VASN: variants seen among roughly 807,000 people sequenced by gnomAD.
The protein encoded by VASN is vasorin.
Under a neutral mutation model 4.8 loss-of-function variants are expected in VASN, and 5 were observed. The ratio of observed to expected loss-of-function variants is 1.03; its 90% CI spans 0.54 to 2.17. The LOEUF (loss-of-function observed/expected upper bound fraction) is 2.17. Ranked by LOEUF, VASN falls within the 30% of genes most tolerant of loss-of-function variation. The pLI, the probability that VASN is intolerant of heterozygous loss-of-function variation, is 0.01. For missense variants in VASN, 927 were observed against 948.8 expected, an observed-to-expected ratio of 0.98 and a Z score of 0.30; for synonymous variants, 499 against 460.8, an observed-to-expected ratio of 1.08 and a Z score of -1.06.
At position 4,381,203 on chromosome 16, in the gene VASN, C is replaced by T; in HGVS notation, c.326C>T (p.Ala109Val). Residue 109 changes from alanine (A) to valine (V), a missense_variant, in exon 2 of 2, where the codon GCC becomes GTC. Physicochemically the swap from Ala to Val is moderately conservative, Grantham distance 64. Coordinates refer to ENST00000304735, the MANE Select transcript of VASN (RefSeq NM_138440.3). ...AACCTCAGCAACCTGGACCTGACAG[C>T]CAACAGGCTGCATGAAATCACCAAT... ...LANLSNLDLT[A>V]NRLHEITNET... 1 of 1,612,000 alleles carries T rather than the reference C, an allele frequency of 6.2e-7. No individual in the cohort carries two copies. Among genetic ancestry groups the T allele is most frequent in the African/African-American group, 1.3e-5 (1 of 75,052 alleles).
At position 4,383,286 on chromosome 16, in the gene VASN, G is replaced by C; in HGVS notation, c.*387G>C. ...CTCCCGGAAAGAGCAGAGGGAGAGCGGGTAGGCGGCTGTGTGACTCTAGTC... is the reference window on the plus strand; with the variant it reads ...CTCCCGGAAAGAGCAGAGGGAGAGCCGGTAGGCGGCTGTGTGACTCTAGTC... On this transcript the variant is annotated 3_prime_UTR_variant, in exon 2 of 2. Coordinates refer to ENST00000304735, the MANE Select transcript of VASN (RefSeq NM_138440.3). 4.2e-6 allele frequency: 1 copy of C among 236,304 alleles called. No homozygotes were observed. The highest frequency in any genetic ancestry group is 8.8e-6 in the Non-Finnish European group (1 of 114,204). 14.6% of individuals were successfully genotyped at this position (236,304 alleles called of 1,614,324 possible). A position where few individuals can be genotyped will look rare whatever the true frequency, so the allele number is the denominator to read the frequency against.
rs374640275 is a variant in VASN at position 4,382,675 on chromosome 16, C to T, written c.1798C>T (p.Arg600Trp). 8 of 1,546,384 alleles carry T rather than the reference C, an allele frequency of 5.2e-6. No individual in the cohort carries two copies. Among genetic ancestry groups the T allele is most frequent in the Non-Finnish European group, 7.0e-6 (8 of 1,147,434 alleles). Reference protein sequence around the residue: ...LAAVGAAYCVRRGRAMAAAAQ... With the variant: ...LAAVGAAYCVWRGRAMAAAAQ... ...TGCGGTGGGGGCAGCCTACTGTGTG[C>T]GGCGGGGGCGGGCCATGGCAGCAGC... is the stretch of plus-strand genomic sequence containing the variant. Residue 600 changes from arginine (R) to tryptophan (W), a missense_variant, in exon 2 of 2, where the codon CGG becomes TGG. Physicochemically the swap from Arg to Trp is moderately radical, Grantham distance 101. Transcript: ENST00000304735.
chr16:4,382,761 GGTCCCCTTGGA>G lies in VASN; in HGVS notation c.1886_1896del (p.Val629AlafsTer18). ...GGCCCCTGGAACTGGAGGGAGTGAA[GGTCCCCTTGGA>G]GCCAGGCCCGAAGGCAACAGAGGGC... is the stretch of plus-strand genomic sequence containing the variant. On this transcript the variant is annotated frameshift_variant, in exon 2 of 2. Coordinates refer to ENST00000304735, the MANE Select transcript of VASN (RefSeq NM_138440.3). LOFTEE classifies it high-confidence loss of function. 1 of 1,563,628 alleles carries G rather than the reference GGTCCCCTTGGA, an allele frequency of 6.4e-7. No homozygotes were observed. The highest frequency in any genetic ancestry group is 8.7e-7 in the Non-Finnish European group (1 of 1,154,834).
chr16:4,382,752 G>T lies in VASN; in HGVS notation c.1875G>T (p.Glu625Asp). Residue 625 changes from glutamate (E) to aspartate (D), a missense_variant, in exon 2 of 2, where the codon GAG (glutamate) becomes GAT (aspartate). Transcript: ENST00000304735. ...VGPGAGPLEL[E>D]GVKVPLEPGP... ...CAGGGGCTGGGCCCCTGGAACTGGA[G>T]GGAGTGAAGGTCCCCTTGGAGCCAG... The T allele has an allele frequency of 6.4e-7, 1 of 1,559,724 alleles. No individual in the cohort carries two copies. The highest frequency in any genetic ancestry group is 1.2e-5 in the South Asian group (1 of 85,128).
Position 4,381,469 on chromosome 16 carries a change from C to T in VASN, c.592C>T (p.Arg198Trp), listed in dbSNP as rs747785086. The change falls in exon 2 of 2, where the codon CGG (arginine) becomes TGG (tryptophan). Residue 198 changes from arginine to tryptophan, a missense_variant. Arg to Trp is a moderately radical substitution (Grantham distance 101). Coordinates refer to ENST00000304735, the MANE Select transcript of VASN (RefSeq NM_138440.3). ...GGACACTGCCAACGTGGAGGCGCTG[C>T]GGCTGGCTGGTCTGGGGCTGCAGCA... Reference protein sequence around the residue: ...ILDTANVEALRLAGLGLQQLD... With the variant: ...ILDTANVEALWLAGLGLQQLD... 1.6e-5 allele frequency: 26 copies of T among 1,581,228 alleles called. No homozygotes were observed. In the East Asian group the frequency reaches 1.9e-4, roughly 11 times the overall value.
At position 4,382,502 on chromosome 16, in the gene VASN, G is replaced by A. The variant is rs1396632981; in HGVS notation, c.1625G>A (p.Arg542Gln). ...SVCVMPLGPGRVPEGEEACGE... is the reference protein window; with the variant it reads ...SVCVMPLGPGQVPEGEEACGE... ...TGTGTCATGCCTTTGGGGCCCGGGCGGGTGCCGGAGGGCGAGGAGGCCTGC... is the reference window on the plus strand; with the variant it reads ...TGTGTCATGCCTTTGGGGCCCGGGCAGGTGCCGGAGGGCGAGGAGGCCTGC... The change falls in exon 2 of 2, where the codon CGG (arginine) becomes CAG (glutamine). Residue 542 changes from arginine to glutamine, a missense_variant. Arg to Gln is a conservative substitution (Grantham distance 43). Coordinates refer to ENST00000304735, the MANE Select transcript of VASN (RefSeq NM_138440.3). The A allele has an allele frequency of 1.0e-5, 16 of 1,591,986 alleles. No individual in the cohort carries two copies. The highest frequency in any genetic ancestry group is 4.5e-5 in the East Asian group (2 of 43,964).
At chr16:4,378,282 G>T (rs1283489294) in intron 1 of VASN, among the ~76,000 whole-genome samples, 1 of 152,186 alleles carries the variant, frequency 6.6e-6, no homozygotes, top group Non-Finnish European at 1.5e-5. Flanking sequence ...CCTGCCTGGA[G>T]TGAGCGCTCT....
rs1177977243 is a variant in VASN at position 4,382,250 on chromosome 16, C to T, written c.1373C>T (p.Pro458Leu). 5.6e-6 allele frequency: 9 copies of T among 1,607,776 alleles called. No individual in the cohort carries two copies. The highest frequency in any genetic ancestry group is 2.2e-5 in the South Asian group (2 of 90,400). ...CGGCCCAGCCCTACACCAGTCACGC[C>T]GAGGCCACCACGGTCCCTGACCCTG... is the stretch of plus-strand genomic sequence containing the variant. ...GTRPSPTPVT[P>L]RPPRSLTLGI... is the part of the protein sequence containing the mutation. Residue 458 changes from proline to leucine, a missense_variant, in exon 2 of 2, where the codon CCG (proline) becomes CTG (leucine). Coordinates refer to ENST00000304735, the MANE Select transcript of VASN (RefSeq NM_138440.3).
In VASN at chr16:4,382,389, T is replaced by C. The variant is rs1454248291; in HGVS notation, c.1512T>C (p.Pro504=). 2.5e-6 allele frequency: 4 copies of C among 1,612,016 alleles called. No homozygotes were observed. In the East Asian group the frequency reaches 6.7e-5, roughly 27 times the overall value. ...LRLTYRNLSG[P]DKRLVTLRLP... is the part of the protein sequence containing the mutation. ...TCACCTATCGCAACCTATCGGGCCC[T>C]GATAAGCGGCTGGTGACGCTGCGAC... is the stretch of plus-strand genomic sequence containing the variant. Residue 504 remains proline, a synonymous_variant, in exon 2 of 2, where the codon CCT becomes CCC. Coordinates refer to ENST00000304735, the MANE Select transcript of VASN (RefSeq NM_138440.3).
rs372370728 is a variant in VASN, at chr16:4,381,464, C to T, written c.587C>T (p.Ala196Val). 325 of 1,580,420 alleles carry T rather than the reference C, an allele frequency of 2.1e-4. 3 individuals are homozygous for T. The South Asian group carries it at 3.2e-3, about 16-fold the overall frequency. The change falls in exon 2 of 2, where the codon GCG (alanine) becomes GTG (valine). Residue 196 changes from alanine (A) to valine (V), a missense_variant. By Grantham distance (64) the Ala-to-Val change is moderately conservative. Coordinates refer to ENST00000304735, the MANE Select transcript of VASN (RefSeq NM_138440.3). ...ATCCTGGACACTGCCAACGTGGAGG[C>T]GCTGCGGCTGGCTGGTCTGGGGCTG... Reference protein sequence around the residue: ...PGILDTANVEALRLAGLGLQQ... With the variant: ...PGILDTANVEVLRLAGLGLQQ...
In VASN at chr16:4,383,286, G is replaced by T; in HGVS notation, c.*387G>T. On this transcript the variant is annotated 3_prime_UTR_variant, in exon 2 of 2. Coordinates refer to ENST00000304735, the MANE Select transcript of VASN (RefSeq NM_138440.3). Reference sequence around the variant, plus strand: ...CTCCCGGAAAGAGCAGAGGGAGAGCGGGTAGGCGGCTGTGTGACTCTAGTC... The same window carrying T: ...CTCCCGGAAAGAGCAGAGGGAGAGCTGGTAGGCGGCTGTGTGACTCTAGTC... The T allele has an allele frequency of 4.2e-6, 1 of 236,304 alleles. No homozygotes were observed. Among genetic ancestry groups the T allele is most frequent in the Non-Finnish European group, 8.8e-6 (1 of 114,204 alleles). 14.6% of individuals were successfully genotyped at this position (236,304 alleles called of 1,614,324 possible).
Position 4,381,402 on chromosome 16 carries a change from C to T in VASN, c.525C>T (p.Asp175=). ...PLRLPRLLLL[D]LSHNSLLALE... The stretch of plus-strand genomic sequence containing the variant: ...GCCTGCCCCGCCTGCTGCTGCTGGA[C>T]CTCAGCCACAACAGCCTCCTGGCCC... Residue 175 remains aspartate (D), a synonymous_variant, in exon 2 of 2, where the codon GAC becomes GAT. Coordinates refer to ENST00000304735, the MANE Select transcript of VASN (RefSeq NM_138440.3). 2 of 1,587,470 alleles carry T rather than the reference C, an allele frequency of 1.3e-6. No individual in the cohort carries two copies. The highest frequency in any genetic ancestry group is 1.1e-5 in the South Asian group (1 of 88,168).
At position 4,380,966 on chromosome 16, in the gene VASN, G is replaced by A; in HGVS notation, c.89G>A (p.Cys30Tyr). ...GVQGCPSGCQCSQPQTVFCTA... is the reference protein window; with the variant it reads ...GVQGCPSGCQYSQPQTVFCTA... ...CAGGGCTGCCCATCCGGCTGCCAGT[G>A]CAGCCAGCCACAGACAGTCTTCTGC... The change falls in exon 2 of 2, where the codon TGC (cysteine) becomes TAC (tyrosine). Residue 30 changes from cysteine (C) to tyrosine (Y), a missense_variant. Coordinates refer to ENST00000304735, the MANE Select transcript of VASN (RefSeq NM_138440.3). 4.4e-6 allele frequency: 7 copies of A among 1,604,076 alleles called. No individual in the cohort carries two copies. Among genetic ancestry groups the A allele is most frequent in the Non-Finnish European group, 5.9e-6 (7 of 1,177,780 alleles).
chr16:4,375,993 G>A (rs916543887), intron 1 of VASN, among the ~76,000 whole-genome samples: 4 of 152,220 alleles, frequency 2.6e-5, no homozygotes, highest in African/African-American at 7.2e-5. Flanking sequence ...GGCATTATCT[G>A]TGGAATGAAG....
rs1459193694 is a variant in VASN at position 4,381,078 on chromosome 16, C to G, written c.201C>G (p.Leu67=). The change falls in exon 2 of 2, where the codon CTC becomes CTG. Residue 67 remains leucine (L), a synonymous_variant. Coordinates refer to ENST00000304735, the MANE Select transcript of VASN (RefSeq NM_138440.3). ...TCTTTGAGAACGGCATCACCATGCT[C>G]GACGCAGGCAGCTTTGCCGGCCTGC... ...LYVFENGITM[L]DAGSFAGLPG... 9 of 1,609,302 alleles carry G rather than the reference C, an allele frequency of 5.6e-6. No individual in the cohort carries two copies. The highest frequency in any genetic ancestry group is 7.6e-6 in the Non-Finnish European group (9 of 1,178,600).
rs778738863 is a variant in VASN, at chr16:4,381,592, C to T, written c.715C>T (p.Arg239Trp). ...AGTGCCACCTGTGATCCGAGGCCTC[C>T]GGGGCCTGACGCGCCTGCGGCTGGC... ...ERVPPVIRGL[R>W]GLTRLRLAGN... The change falls in exon 2 of 2, where the codon CGG becomes TGG. Residue 239 changes from arginine (R) to tryptophan (W), a missense_variant. By Grantham distance (101) the Arg-to-Trp change is moderately radical (BLOSUM62 -3). Transcript: ENST00000304735. 9.4e-6 allele frequency: 15 copies of T among 1,600,390 alleles called. No homozygotes were observed. Among genetic ancestry groups the T allele is most frequent in the African/African-American group, 1.3e-5 (1 of 74,618 alleles).
At chr16:4,374,084 C>T (rs1274570015) in intron 1 of VASN, among the ~76,000 whole-genome samples, 2 of 147,334 alleles carry the variant, frequency 1.4e-5, no homozygotes, top group African/African-American at 5.4e-5. Context: ...GGGGAGGGTG[C>T]ACGTGTGTGT....
intron 1 of VASN, among the ~76,000 whole-genome samples, chr16:4,378,859 G>C (rs1355630085): frequency 6.6e-6 from 1 of 152,060 alleles, no homozygotes; most frequent in African/African-American, 2.4e-5. Context: ...CCTCTGAAGG[G>C]TGCTTGTTGT....
Position 4,382,846 on chromosome 16 carries a change from G to C in VASN, c.1969G>C (p.Gly657Arg). 6 of 1,589,002 alleles carry C rather than the reference G, an allele frequency of 3.8e-6. No homozygotes were observed. The highest frequency in any genetic ancestry group is 5.1e-6 in the Non-Finnish European group (6 of 1,169,048). ...SGSECEVPLM[G>R]FPGPGLQSPL... The stretch of plus-strand genomic sequence containing the variant: ...GTCTGAGTGTGAGGTGCCACTCATG[G>C]GCTTCCCAGGGCCTGGCCTCCAGTC... The change falls in exon 2 of 2, where the codon GGC becomes CGC. Residue 657 changes from glycine (G) to arginine (R), a missense_variant. Transcript: ENST00000304735.
Sources: gnomAD v4.1 joint callset for allele counts (sites outside exome capture counted in the v4.1 genomes callset) on GRCh38, gnomAD v4.1.1 for gene constraint, MANE v1.5 for transcripts, NCBI Gene and HGNC (gene_info 2026-07-23, HGNC 2026-07-21) for gene names.